The following KSR2 variants were observed in gnomAD, a reference collection of about 807,000 sequenced individuals.
KSR2 encodes the protein kinase suppressor of ras 2.
In KSR2, 25 loss-of-function variants were observed where a neutral mutation model predicts 107.8. The observed-to-expected ratio is 0.23, with a 90% CI of 0.17 to 0.32. KSR2 has a LOEUF of 0.32. Ranked by LOEUF, KSR2 falls within the 10% of genes least tolerant of loss-of-function variation. KSR2 has a pLI of 1.00. For missense variants in KSR2, 887 were observed against 1,268.9 expected, an observed-to-expected ratio of 0.70 and a Z score of 4.57; for synonymous variants, 480 against 507.0, an observed-to-expected ratio of 0.95 and a Z score of 0.71.
chr12:117,614,367 A>G (rs768247527), intron 5 of KSR2, among the ~76,000 whole-genome samples: 3 of 152,212 alleles, frequency 2.0e-5, no homozygotes, highest in Non-Finnish European at 4.4e-5. Context: ...ATAAGGAGTG[A>G]GTCCTAAAAT....
At chr12:117,531,864 C>T (rs990158531) in intron 10 of KSR2, among the ~76,000 whole-genome samples, 157 bp from the exon 11 acceptor site, 2 of 152,144 alleles carry the variant, frequency 1.3e-5, no homozygotes, top group Admixed American at 6.5e-5. Flanking sequence ...GGACTGCAAA[C>T]ATGTGTAAAG....
chr12:117,947,145 G>C (rs1187435135), intron 1 of KSR2, among the ~76,000 whole-genome samples: 1 of 147,924 alleles, frequency 6.8e-6, no homozygotes, highest in Non-Finnish European at 1.5e-5. Context: ...TCCAGCCTGG[G>C]TGACAGAGCT....
At chr12:117,774,820 A>G (rs1450728432) in intron 3 of KSR2, among the ~76,000 whole-genome samples, 1 of 151,808 alleles carries the variant, frequency 6.6e-6, no homozygotes, top group African/African-American at 2.4e-5. Context: ...ATCCTTCCCA[A>G]TTCCCTTCTT....
At chr12:117,824,796 G>T (rs1434743518) in intron 3 of KSR2, among the ~76,000 whole-genome samples, 2 of 149,456 alleles carry the variant, frequency 1.3e-5, no homozygotes, top group African/African-American at 5.0e-5. Flanking sequence ...GGCGGCGCTT[G>T]CAGTGAGCCA....
intron 13 of KSR2, among the ~76,000 whole-genome samples, chr12:117,526,211 C>T (rs1454292033): frequency 6.6e-6 from 1 of 152,208 alleles, no homozygotes; most frequent in Non-Finnish European, 1.5e-5. Flanking sequence ...ACGACTCAGG[C>T]GTACTTCGGC....
At chr12:117,521,654 T>A (rs999799675) in intron 14 of KSR2, among the ~76,000 whole-genome samples, 1 of 152,234 alleles carries the variant, frequency 6.6e-6, no homozygotes, top group Non-Finnish European at 1.5e-5. Flanking sequence ...TTAACTTCGA[T>A]GATAATTACT....
chr12:117,935,865 C>T (rs184939557), intron 1 of KSR2, among the ~76,000 whole-genome samples: 13 of 152,312 alleles, frequency 8.5e-5, no homozygotes, highest in Middle Eastern at 6.8e-3. Flanking sequence ...TTGGCACATG[C>T]GGTGGCCTCT....
intron 1 of KSR2, among the ~76,000 whole-genome samples, chr12:117,951,270 A>G (rs1052657983): frequency 6.6e-6 from 1 of 152,178 alleles, no homozygotes; most frequent in African/African-American, 2.4e-5. Context: ...TCATTCTTGC[A>G]GCTTAGGTTT....
intron 4 of KSR2, among the ~76,000 whole-genome samples, chr12:117,677,497 T>C (rs143965316): frequency 9.0e-4 from 137 of 152,272 alleles, no homozygotes; most frequent in African/African-American, 3.0e-3. Flanking sequence ...ATCTTGGACT[T>C]CCAGCCTCTA....
At chr12:117,771,913 T>TC (rs1566006202) in intron 3 of KSR2, among the ~76,000 whole-genome samples, 1 of 142,238 alleles carries the variant, frequency 7.0e-6, no homozygotes, top group African/African-American at 2.7e-5. Context: ...TACATACCAT[T>TC]CCCCCAAAGA....
intron 3 of KSR2, among the ~76,000 whole-genome samples, chr12:117,764,568 A>C (rs1230894959): frequency 2.0e-5 from 3 of 152,200 alleles, no homozygotes; most frequent in Non-Finnish European, 4.4e-5. Flanking sequence ...ACGGGAAAAG[A>C]TACTGAAACA....
chr12:117,908,318 T>C (rs1894915792), intron 1 of KSR2, among the ~76,000 whole-genome samples: 1 of 152,024 alleles, frequency 6.6e-6, no homozygotes, highest in Non-Finnish European at 1.5e-5. Flanking sequence ...CTGGATTACA[T>C]TGTAGAACCC....
chr12:117,855,115 C>G (rs867816196), intron 3 of KSR2, among the ~76,000 whole-genome samples: 8 of 152,202 alleles, frequency 5.3e-5, no homozygotes, highest in African/African-American at 1.9e-4. Context: ...GTCAGAATGT[C>G]TAAAGTAAAA....
At chr12:117,873,181 C>G (rs1893706495) in intron 1 of KSR2, among the ~76,000 whole-genome samples, 1 of 152,116 alleles carries the variant, frequency 6.6e-6, no homozygotes, top group Middle Eastern at 3.4e-3. Flanking sequence ...CCCATCTCTA[C>G]TAAAAATACA....
chr12:117,821,379 G>A (rs1457094776), intron 3 of KSR2, among the ~76,000 whole-genome samples: 2 of 152,140 alleles, frequency 1.3e-5, no homozygotes, highest in African/African-American at 4.8e-5. Flanking sequence ...GCATGAGGAT[G>A]AAGACCTTTA....
At chr12:117,792,423 C>A (rs748700407) in intron 3 of KSR2, among the ~76,000 whole-genome samples, 12 of 152,100 alleles carry the variant, frequency 7.9e-5, no homozygotes, top group Non-Finnish European at 1.6e-4. Flanking sequence ...CATGCAACAC[C>A]TGGGCACGCT....
chr12:117,477,954 G>A (rs1871893554), intron 16 of KSR2, among the ~76,000 whole-genome samples: 1 of 152,196 alleles, frequency 6.6e-6, no homozygotes, highest in African/African-American at 2.4e-5. Context: ...TCTTTCACTG[G>A]AAGTCATTAG....
At chr12:117,704,479 C>G (rs114733081) in intron 4 of KSR2, among the ~76,000 whole-genome samples, 2 of 152,136 alleles carry the variant, frequency 1.3e-5, no homozygotes, top group Admixed American at 1.3e-4. Flanking sequence ...TGAAACAGAG[C>G]CTGTGTGACC....
At chr12:117,575,725 GT>G (rs1214075785) in intron 7 of KSR2, among the ~76,000 whole-genome samples, 1 of 152,178 alleles carries the variant, frequency 6.6e-6, no homozygotes, top group Non-Finnish European at 1.5e-5. Context: ...AGATCTTCAT[GT>G]TTTGAATTTT....
Sources: gnomAD v4.1 joint callset for allele counts (sites outside exome capture counted in the v4.1 genomes callset) on GRCh38, gnomAD v4.1.1 for gene constraint, MANE v1.5 for transcripts, NCBI Gene and HGNC (gene_info 2026-07-23, HGNC 2026-07-21) for gene names.